OSBPL10: variants seen among roughly 807,000 people sequenced by gnomAD.
The protein encoded by OSBPL10 is oxysterol-binding protein-related protein 10.
A neutral mutation model predicts 81.7 loss-of-function variants in OSBPL10; 49 were observed. That is an observed-to-expected ratio of 0.60 (90% confidence interval 0.48 to 0.76). The LOEUF (loss-of-function observed/expected upper bound fraction) is 0.76. Ranked by LOEUF, OSBPL10 falls within the 30% of genes least tolerant of loss-of-function variation. The probability of loss-of-function intolerance (pLI) is 0.00; values close to 1 mark genes in which losing one functional copy is unlikely to be tolerated. For synonymous variants in OSBPL10, 419 were observed against 383.6 expected, an observed-to-expected ratio of 1.09 and a Z score of -1.08; for missense variants, 923 against 987.8, an observed-to-expected ratio of 0.93 and a Z score of 0.88.
chr3:31,990,009 A>G (rs1377999913), intron 2 of OSBPL10: 2 of 1,614,058 alleles, frequency 1.2e-6, no homozygotes, highest in Non-Finnish European at 1.7e-6. Flanking sequence ...TTCATACTGG[A>G]GAGAAACCTT....
Position 31,670,880 on chromosome 3 carries a change from T to C in OSBPL10, c.1830A>G (p.Lys610=). 6.2e-7 allele frequency: 1 copy of C among 1,614,098 alleles called. No homozygotes were observed. Residue 610 remains lysine (K), a synonymous_variant, in exon 9 of 12, where the codon AAA becomes AAG. Transcript: ENST00000396556. The part of the protein sequence containing the change: ...LTIPWVELGG[K]VSINCAKTGY... ...CAGTCTTGGCACAGTTGATGCTGAC[T>C]TTTCCTCCGAGCTCCACCCACGGGA...
intron 4 of OSBPL10, among the ~76,000 whole-genome samples, chr3:31,814,875 A>C (rs1699796440): frequency 6.6e-6 from 1 of 152,210 alleles, no homozygotes; most frequent in African/African-American, 2.4e-5. Flanking sequence ...TCCATAGATT[A>C]AAGTTGGCCA....
intron 6 of OSBPL10, among the ~76,000 whole-genome samples, chr3:31,723,364 G>T (rs1003962714): frequency 2.0e-5 from 3 of 152,214 alleles, no homozygotes. Context: ...ATCTTTAGGG[G>T]TGAGGAAGGC....
chr3:31,890,575 A>G (rs75721597), intron 1 of OSBPL10, among the ~76,000 whole-genome samples: 15,749 of 152,088 alleles, frequency 0.1, 956 homozygotes, highest in Admixed American at 0.19. Flanking sequence ...ATAAAGCACC[A>G]GAATAAGTCA....
intron 1 of OSBPL10, among the ~76,000 whole-genome samples, chr3:31,902,638 C>T (rs1030239227): frequency 4.6e-5 from 7 of 152,260 alleles, no homozygotes; most frequent in Admixed American, 3.3e-4. Context: ...TCTCGGCTCA[C>T]TGCAAGCTCC....
intron 2 of OSBPL10, among the ~76,000 whole-genome samples, chr3:32,011,952 C>T (rs986020131): frequency 3.3e-5 from 5 of 152,034 alleles, no homozygotes; most frequent in African/African-American, 9.7e-5. Context: ...GTGAAAAGAC[C>T]GAATCTACAT....
At chr3:31,743,011 T>G (rs1348260605) in intron 5 of OSBPL10, among the ~76,000 whole-genome samples, 4 of 150,746 alleles carry the variant, frequency 2.7e-5, no homozygotes, top group African/African-American at 9.7e-5. Flanking sequence ...AATTTAAGTC[T>G]TGACCGAAAA....
At chr3:32,017,119 T>C (rs1411266503) in intron 2 of OSBPL10, among the ~76,000 whole-genome samples, 3 of 152,242 alleles carry the variant, frequency 2.0e-5, no homozygotes, top group African/African-American at 7.2e-5. Context: ...GATCACAGCA[T>C]GCATTTATTG....
At chr3:31,834,922 A>G (rs1041620864) in intron 3 of OSBPL10, among the ~76,000 whole-genome samples, 3 of 152,236 alleles carry the variant, frequency 2.0e-5, no homozygotes, top group Non-Finnish European at 4.4e-5. Flanking sequence ...CTTCCATTCT[A>G]AAGTTTAATA....
intron 2 of OSBPL10, among the ~76,000 whole-genome samples, chr3:32,022,130 T>C (rs532465164): frequency 6.6e-6 from 1 of 152,366 alleles, no homozygotes; most frequent in Non-Finnish European, 1.5e-5. Flanking sequence ...TCAACTATAA[T>C]GAAGTCCAGC....
intron 10 of OSBPL10, among the ~76,000 whole-genome samples, chr3:31,665,043 T>C (rs1700156154): frequency 6.6e-6 from 1 of 151,936 alleles, no homozygotes; most frequent in Non-Finnish European, 1.5e-5. Flanking sequence ...TTGGTTTACG[T>C]CAATCAAGGC....
intron 1 of OSBPL10, among the ~76,000 whole-genome samples, chr3:31,909,803 T>C (rs1696520768): frequency 6.6e-6 from 1 of 152,130 alleles, no homozygotes; most frequent in South Asian, 2.1e-4. Context: ...TCTACTAGAA[T>C]GGCCCCCACT....
At chr3:32,022,252 AT>A (rs749416820) in intron 2 of OSBPL10, among the ~76,000 whole-genome samples, 4 of 152,180 alleles carry the variant, frequency 2.6e-5, no homozygotes, top group Non-Finnish European at 5.9e-5. Context: ...AAACACTGAC[AT>A]TGGGATTTGC....
intron 1 of OSBPL10, among the ~76,000 whole-genome samples, chr3:31,880,563 C>T (rs1335452671): frequency 6.6e-6 from 1 of 152,198 alleles, no homozygotes; most frequent in African/African-American, 2.4e-5. Context: ...TCCCCTTCTC[C>T]ACCAGGAGGG....
intron 8 of OSBPL10, among the ~76,000 whole-genome samples, chr3:31,677,957 T>C (rs1405203551): frequency 4.0e-5 from 6 of 150,824 alleles, no homozygotes; most frequent in Non-Finnish European, 7.4e-5. Context: ...GGCGGGCGCC[T>C]GTAGTCCCAG....
chr3:31,895,807 GGCAAGA>G (rs1454830102), intron 1 of OSBPL10, among the ~76,000 whole-genome samples: 1 of 152,100 alleles, frequency 6.6e-6, no homozygotes, highest in East Asian at 1.9e-4. Context: ...TACATGAATG[GGCAAGA>G]GCAACAAACT....
chr3:31,991,150 C>T (rs553670692), intron 2 of OSBPL10: 19 of 727,222 alleles, frequency 2.6e-5, no homozygotes, highest in East Asian at 1.6e-4. Context: ...AAAGTGTTTA[C>T]GTTAAGAGGA....
chr3:31,961,696 G>A (rs541427709), intron 1 of OSBPL10, among the ~76,000 whole-genome samples: 2 of 152,004 alleles, frequency 1.3e-5, no homozygotes, highest in Non-Finnish European at 2.9e-5. Context: ...GAACTCCTGG[G>A]CTCAAGCCAT....
intron 5 of OSBPL10, among the ~76,000 whole-genome samples, chr3:31,738,711 G>T (rs886216007): frequency 6.6e-6 from 1 of 152,144 alleles, no homozygotes; most frequent in Admixed American, 6.6e-5. Flanking sequence ...ACTAGTAAGT[G>T]GTAGAATCCA....
Sources: gnomAD v4.1 joint callset for allele counts (sites outside exome capture counted in the v4.1 genomes callset) on GRCh38, gnomAD v4.1.1 for gene constraint, MANE v1.5 for transcripts, NCBI Gene and HGNC (gene_info 2026-07-23, HGNC 2026-07-21) for gene names.